Variants in KMT2D observed in about 807,000 individuals in gnomAD.
The protein encoded by KMT2D is histone-lysine N-methyltransferase 2D.
Under a neutral mutation model 512.7 loss-of-function variants are expected in KMT2D, and 55 were observed. That is an observed-to-expected ratio of 0.11 (90% CI 0.09 to 0.13). The LOEUF is 0.13. Ranked by LOEUF, KMT2D falls within the 10% of genes least tolerant of loss-of-function variation. The pLI is 1.00. For synonymous variants in KMT2D, 2,995 were observed against 2,904.0 expected (o/e 1.03, Z -1.01); for missense variants, 6,061 against 7,127.9 (o/e 0.85, Z 5.39).
rs886042736 is a variant in KMT2D, at chr12:49,049,947, C to T, written c.3641G>A (p.Gly1214Asp). The change falls in exon 12 of 55, where the codon GGT becomes GAT. Residue 1214 changes from glycine (G) to aspartate (D), a missense_variant. Coordinates refer to ENST00000301067, the MANE Select transcript of KMT2D (RefSeq NM_003482.4). ...IVNEISNLSQ[G>D]DASASFPGSE... ...GCCAGGAAAACTGGCACTGGCATCA[C>T]CCTGGCTCAGATTAGAGATCTCGTT... 2.3e-5 allele frequency: 37 copies of T among 1,613,860 alleles called. No individual in the cohort carries two copies. The highest frequency in any genetic ancestry group is 3.1e-5 in the Non-Finnish European group (36 of 1,179,902).
rs2120370731 is a variant in KMT2D at position 49,027,275 on chromosome 12, A to G, written c.14691T>C (p.Asn4897=). 2 of 1,554,644 alleles carry G rather than the reference A, an allele frequency of 1.3e-6. No individual in the cohort carries two copies. The highest frequency in any genetic ancestry group is 2.2e-5 in the East Asian group (1 of 44,556). The change falls in exon 49 of 55, where the codon AAT becomes AAC. Residue 4897 remains asparagine (N), a synonymous_variant. Transcript: ENST00000301067. ...EPPTQHSYTY[N]VSNLDVRQLS... ...GCTGTCGCACATCCAGATTGGAGAC[A>G]TTGTAGGTATAGCTGTGCTGAGTGG...
At position 49,052,258 on chromosome 12, in the gene KMT2D, G is replaced by A. The variant is rs575417618; in HGVS notation, c.1425C>T (p.Pro475=). 2.2e-5 allele frequency: 35 copies of A among 1,605,568 alleles called. No individual in the cohort carries two copies. The highest frequency in any genetic ancestry group is 2.7e-5 in the Non-Finnish European group (32 of 1,176,196). Residue 475 remains proline (P), a synonymous_variant, in exon 11 of 55, where the codon CCC becomes CCT. Transcript: ENST00000301067. ...GCAATGCCTCAGGAAGTGGGGATGCGGGCAATTCCTCAGGTGGTGGTGACA... is the reference window on the plus strand; with the variant it reads ...GCAATGCCTCAGGAAGTGGGGATGCAGGCAATTCCTCAGGTGGTGGTGACA... ...SRLSPPPEEL[P]ASPLPEALHL...
rs769029919 is a variant in KMT2D, at chr12:49,031,043, A to G, written c.13531-10T>C. The G allele has an allele frequency of 1.9e-5, 30 of 1,613,614 alleles. 1 individual carries two copies. In the Admixed American group the frequency reaches 3.2e-4, roughly 17 times the overall value. ...TCCTTGCTGCTGCATCCTAAGCCAA[A>G]TAAGCCCATTGAAGGCTGCTACCCT... On this transcript the variant is annotated splice_polypyrimidine_tract_variant and intron_variant, in intron 40 of 54. Coordinates refer to ENST00000301067, the MANE Select transcript of KMT2D (RefSeq NM_003482.4).
intron 43 of KMT2D, among the ~76,000 whole-genome samples, chr12:49,030,048 T>C (rs967719440): frequency 6.6e-6 from 1 of 152,186 alleles, no homozygotes; most frequent in African/African-American, 2.4e-5. Flanking sequence ...CAAAGCTTCA[T>C]AAAGATGCTC....
rs2120561808 is a variant in KMT2D, at chr12:49,042,950, C to A, written c.5645-72G>T. 1 of 1,597,188 alleles carries A rather than the reference C, an allele frequency of 6.3e-7. No homozygotes were observed. Among genetic ancestry groups the A allele is most frequent in the South Asian group, 1.1e-5 (1 of 90,294 alleles). On this transcript the variant is annotated intron_variant, in intron 26 of 54. Coordinates refer to ENST00000301067, the MANE Select transcript of KMT2D (RefSeq NM_003482.4). This position sits in a 1 kb window ranked among gnomAD's most constrained non-coding sequence, Gnocchi z 4.4. ...GTGACACCACAGGTCTACAAATGAT[C>A]ATGGCCAGGAACAGTCCAGGACTCC...
Position 49,022,157 on chromosome 12 carries a change from C to T in KMT2D, c.16413-6G>A, listed in dbSNP as rs1479056251. 4 of 1,612,960 alleles carry T rather than the reference C, an allele frequency of 2.5e-6. No homozygotes were observed. Among genetic ancestry groups the T allele is most frequent in the Non-Finnish European group, 2.5e-6 (3 of 1,179,180 alleles). On this transcript the variant is annotated splice_region_variant and splice_polypyrimidine_tract_variant and intron_variant, in intron 53 of 54. Coordinates refer to ENST00000301067, the MANE Select transcript of KMT2D (RefSeq NM_003482.4). This position sits in a 1 kb window ranked among gnomAD's most constrained non-coding sequence, Gnocchi z 8.6. ...CACAGGAATGGTTAATGTACCTGGG[C>T]AGTGGGACAGAGTCAGGGATGTCAG...
rs765686987 is a variant in KMT2D at position 49,030,776 on chromosome 12, G to C, written c.13672-8C>G. 6.2e-7 allele frequency: 1 copy of C among 1,613,356 alleles called. No individual in the cohort carries two copies. Among genetic ancestry groups the C allele is most frequent in the Non-Finnish European group, 8.5e-7 (1 of 1,179,714 alleles). The stretch of plus-strand genomic sequence containing the variant: ...GGGCAGCAGGGACAGCTCCTACAAG[G>C]GGCAAGATGACAAAGTTCAAAACCT... On this transcript the variant is annotated splice_region_variant and splice_polypyrimidine_tract_variant and intron_variant, in intron 41 of 54. Coordinates refer to ENST00000301067, the MANE Select transcript of KMT2D (RefSeq NM_003482.4).
chr12:49,037,958 T>C lies in KMT2D; in HGVS notation c.9398A>G (p.Gln3133Arg), dbSNP rs1427807322. 3 of 1,603,652 alleles carry C rather than the reference T, an allele frequency of 1.9e-6. No homozygotes were observed. The highest frequency in any genetic ancestry group is 2.6e-6 in the Non-Finnish European group (3 of 1,175,416). The change falls in exon 35 of 55, where the codon CAA (glutamine) becomes CGA (arginine). Residue 3133 changes from glutamine (Q) to arginine (R), a missense_variant. This residue lies in a region of KMT2D where 533 missense variants were observed against 539.6 expected (regional missense o/e 0.99). Transcript: ENST00000301067. ...TACCTTGGGGGTAGCAATGGTGAAT[T>C]GGCAAGGAGAAGGGTGGCGTCCACC... is the stretch of plus-strand genomic sequence containing the variant. ...EEGGRHPSPC[Q>R]FTIATPKVEP...
rs1348965010 is a variant in KMT2D at position 49,060,011 on chromosome 12, G to A, written c.-436C>T. ...TCGGGCGGAACGTCGAGGCTCTCCA[G>A]ATGGAACGTCGAGGCGCCTCCCCAG... On this transcript the variant is annotated 5_prime_UTR_variant, in exon 1 of 55. Coordinates refer to ENST00000301067, the MANE Select transcript of KMT2D (RefSeq NM_003482.4). Among the ~76,000 whole-genome samples, 3 of 151,648 alleles carry A rather than the reference G, an allele frequency of 2.0e-5. No individual in the cohort carries two copies. The highest frequency in any genetic ancestry group is 4.4e-5 in the Non-Finnish European group (3 of 67,830).
rs2120489977 is a variant in KMT2D at position 49,038,068 on chromosome 12, A to G, written c.9288T>C (p.Pro3096=). ...LRGVEPGPLG[P]EERPPPAADA... ...CAGCAGCAGGGGGAGGGCGCTCCTCAGGGCCCAAGGGTCCTGGCTCCACCC... is the reference window on the plus strand; with the variant it reads ...CAGCAGCAGGGGGAGGGCGCTCCTCGGGGCCCAAGGGTCCTGGCTCCACCC... The change falls in exon 35 of 55, where the codon CCT becomes CCC. Residue 3096 remains proline (P), a synonymous_variant. Coordinates refer to ENST00000301067, the MANE Select transcript of KMT2D (RefSeq NM_003482.4). The surrounding 1 kb of genome is among the most constrained non-coding windows in gnomAD (Gnocchi z 5.7). 1.2e-6 allele frequency: 2 copies of G among 1,613,208 alleles called. No homozygotes were observed. The highest frequency in any genetic ancestry group is 1.7e-6 in the Non-Finnish European group (2 of 1,179,664).
Position 49,046,306 on chromosome 12 carries a change from G to A in KMT2D, c.4537C>T (p.Pro1513Ser), listed in dbSNP as rs752961031. ...ATTAGTAGGTCCTCTTCTACGTAAG[G>A]AGCATGACAGATAGGGCAGGTCACC... ...SLVTCPICHAPYVEEDLLIQC... is the reference protein window; with the variant it reads ...SLVTCPICHASYVEEDLLIQC... The change falls in exon 17 of 55, where the codon CCT becomes TCT. Residue 1513 changes from proline to serine, a missense_variant. Coordinates refer to ENST00000301067, the MANE Select transcript of KMT2D (RefSeq NM_003482.4). This position sits in a 1 kb window ranked among gnomAD's most constrained non-coding sequence, Gnocchi z 4.2. 1 of 1,613,982 alleles carries A rather than the reference G, an allele frequency of 6.2e-7. No homozygotes were observed. Among genetic ancestry groups the A allele is most frequent in the Non-Finnish European group, 8.5e-7 (1 of 1,179,890 alleles).
rs1296941502 is a variant in KMT2D at position 49,019,472 on chromosome 12, T to C, written c.*2308A>G. On this transcript the variant is annotated 3_prime_UTR_variant, in exon 55 of 55. Transcript: ENST00000301067. ...TAGCTTGGGTCTGAGTTATAGTTTA[T>C]ATAAAAATTAAAAACTGTATAAGGT... 1 of 223,156 alleles carries C rather than the reference T, an allele frequency of 4.5e-6. No homozygotes were observed. Among genetic ancestry groups the C allele is most frequent in the Non-Finnish European group, 9.0e-6 (1 of 111,530 alleles). The allele number at this position is 223,156 out of a possible 1,614,324, so 13.8% of individuals were successfully genotyped here.
rs2120707044 is a variant in KMT2D at position 49,054,300 on chromosome 12, GC to G, written c.510+6del. 6.3e-7 allele frequency: 1 copy of G among 1,580,300 alleles called. No individual in the cohort carries two copies. The highest frequency in any genetic ancestry group is 8.6e-7 in the Non-Finnish European group (1 of 1,162,846). On this transcript the variant is annotated splice_donor_region_variant and intron_variant, in intron 5 of 54. Transcript: ENST00000301067. The surrounding 1 kb of genome is among the most constrained non-coding windows in gnomAD (Gnocchi z 6.4). The stretch of plus-strand genomic sequence containing the variant: ...TTCACCTATGCAATCCCCTGGCCCA[GC>G]CCCACCTGTGAGATCCCTGAGAAGA...
rs1238650101 is a variant in KMT2D, at chr12:49,051,058, A to G, written c.2625T>C (p.Pro875=). The G allele has an allele frequency of 1.3e-6, 2 of 1,534,050 alleles. No homozygotes were observed. The change falls in exon 11 of 55, where the codon CCT becomes CCC. Residue 875 remains proline, a synonymous_variant. Coordinates refer to ENST00000301067, the MANE Select transcript of KMT2D (RefSeq NM_003482.4). ...EKPPEEPGQC[P]APEELPLFPP... is the part of the protein sequence containing the mutation. ...GGAACAAGGGCAGCTCCTCAGGTGC[A>G]GGGCATTGGCCTGGCTCCTCAGGGG...
At position 49,021,211 on chromosome 12, in the gene KMT2D, A is replaced by G. The variant is rs1592096931; in HGVS notation, c.*569T>C. Reference sequence around the variant, plus strand: ...GCATTTGTCAGAGTGGAAAACAAGGAAACACAACCCATAGAGAGACAGAAA... The same window carrying G: ...GCATTTGTCAGAGTGGAAAACAAGGGAACACAACCCATAGAGAGACAGAAA... On this transcript the variant is annotated 3_prime_UTR_variant, in exon 55 of 55. Transcript: ENST00000301067. The G allele has an allele frequency of 9.6e-6, 2 of 207,530 alleles. No homozygotes were observed. Among genetic ancestry groups the G allele is most frequent in the Non-Finnish European group, 9.8e-6 (1 of 101,546 alleles). 12.9% of individuals were successfully genotyped at this position (207,530 alleles called of 1,614,324 possible).
chr12:49,055,532 C>A (rs866793815), intron 1 of KMT2D, among the ~76,000 whole-genome samples, 171 bp from the exon 2 acceptor site: 1 of 152,190 alleles, frequency 6.6e-6, no homozygotes, highest in Non-Finnish European at 1.5e-5. Context: ...GGGTCACTTC[C>A]TCCCCAGATA....
chr12:49,057,132 T>C (rs890508186), intron 1 of KMT2D, among the ~76,000 whole-genome samples: 3 of 152,012 alleles, frequency 2.0e-5, no homozygotes, highest in Admixed American at 6.6e-5. Flanking sequence ...GAAGCTACCA[T>C]GGGAAGTGGG....
chr12:49,036,207 C>T (rs962133784), intron 35 of KMT2D, among the ~76,000 whole-genome samples: 9 of 152,088 alleles, frequency 5.9e-5, no homozygotes, highest in Non-Finnish European at 1.3e-4. Flanking sequence ...TTACTTCACT[C>T]GAAACAGTTT....
chr12:49,041,665 T>G lies in KMT2D; in HGVS notation c.6224A>C (p.Lys2075Thr), dbSNP rs755051901. The change falls in exon 31 of 55, where the codon AAG becomes ACG. Residue 2075 changes from lysine to threonine, a missense_variant. Coordinates refer to ENST00000301067, the MANE Select transcript of KMT2D (RefSeq NM_003482.4). The surrounding 1 kb of genome is among the most constrained non-coding windows in gnomAD (Gnocchi z 5.4). ...CCCAGCCCCACTCACCTTCTGCACC[T>G]TGTTGATGCGGTGAGCTGCCCGGTT... ...KDNRAAHRIN[K>T]VQKQAESQIN... 1 of 1,613,338 alleles carries G rather than the reference T, an allele frequency of 6.2e-7. No individual in the cohort carries two copies. The highest frequency in any genetic ancestry group is 1.1e-5 in the South Asian group (1 of 91,018).
Sources: gnomAD v4.1 joint callset for allele counts (sites outside exome capture counted in the v4.1 genomes callset) on GRCh38, gnomAD v4.1.1 for gene constraint, gnomAD v4.1.1 regional missense constraint, Gnocchi (gnomAD v3.1) non-coding constraint, MANE v1.5 for transcripts, NCBI Gene and HGNC (gene_info 2026-07-23, HGNC 2026-07-21) for gene names.